BMPR1B: variants seen among roughly 807,000 people sequenced by gnomAD.
BMPR1B encodes the protein bone morphogenetic protein receptor type 1B.
BMPR1B carries 12 observed loss-of-function variants against 59.1 expected under a neutral mutation model. The ratio of observed to expected loss-of-function variants is 0.20; its 90% CI spans 0.13 to 0.33. The LOEUF (loss-of-function observed/expected upper bound fraction) is 0.33, where lower values mean the gene tolerates loss of function less well. Ranked by LOEUF, BMPR1B falls within the 10% of genes least tolerant of loss-of-function variation. The probability of loss-of-function intolerance (pLI) is 1.00; values close to 1 mark genes in which losing one functional copy is unlikely to be tolerated. For missense variants in BMPR1B, 550 were observed against 610.9 expected (o/e 0.90, Z 1.05); for synonymous variants, 237 against 207.3 (o/e 1.14, Z -1.23).
At chr4:95,057,338 G>A (rs182521643) in intron 3 of BMPR1B, among the ~76,000 whole-genome samples, 5 of 151,970 alleles carry the variant, frequency 3.3e-5, no homozygotes, top group East Asian at 1.9e-4. Context: ...TCCGCCTCCC[G>A]AGTTCAAGTG....
At chr4:94,795,721 C>T (rs1053108729) in intron 1 of BMPR1B, among the ~76,000 whole-genome samples, 2 of 152,082 alleles carry the variant, frequency 1.3e-5, no homozygotes, top group Non-Finnish European at 2.9e-5. Flanking sequence ...ACCTTGGCCT[C>T]CCAAAGTGCT....
At chr4:94,883,293 C>G (rs184555319) in intron 2 of BMPR1B, among the ~76,000 whole-genome samples, 20 of 152,236 alleles carry the variant, frequency 1.3e-4, no homozygotes, top group Non-Finnish European at 2.5e-4. Flanking sequence ...TTTTCTAGCC[C>G]ATAGCTTTAT....
At position 95,154,540 on chromosome 4, in the gene BMPR1B, T is replaced by C. The variant is rs201359647; in HGVS notation, c.1384-8T>C. The C allele has an allele frequency of 1.6e-3, 2,546 of 1,614,036 alleles. 37 individuals carry two copies. In the South Asian group the frequency reaches 0.02, roughly 13 times the overall value. ...ATGATACATTTTTCTAACATTTCTC[T>C]TCCTCAGTGTCTAAGGCAGATGGGA... On this transcript the variant is annotated splice_polypyrimidine_tract_variant and splice_region_variant and intron_variant, in intron 12 of 12. Transcript: ENST00000515059.
At chr4:94,939,395 T>C (rs558825116) in intron 2 of BMPR1B, among the ~76,000 whole-genome samples, 3 of 152,334 alleles carry the variant, frequency 2.0e-5, no homozygotes, top group African/African-American at 7.2e-5. Context: ...TTAATAGTTC[T>C]TGACAGTGTG....
At chr4:95,109,861 T>A (rs1388425922) in intron 4 of BMPR1B, among the ~76,000 whole-genome samples, 3 of 47,588 alleles carry the variant, frequency 6.3e-5, no homozygotes, top group African/African-American at 8.3e-5. Flanking sequence ...CCCTCCCCCC[T>A]CCCCCCACCC....
At chr4:94,990,545 G>A (rs1273937709) in intron 2 of BMPR1B, among the ~76,000 whole-genome samples, 1 of 152,114 alleles carries the variant, frequency 6.6e-6, no homozygotes, top group African/African-American at 2.4e-5. Context: ...AGTGATGCAG[G>A]TACTAACATT....
chr4:94,930,134 C>T (rs1729041522), intron 2 of BMPR1B, among the ~76,000 whole-genome samples: 1 of 152,116 alleles, frequency 6.6e-6, no homozygotes, highest in Non-Finnish European at 1.5e-5. Context: ...GGTTTCCCTG[C>T]AGCCAGTTTT....
At chr4:95,138,143 T>G (rs1216760733) in intron 10 of BMPR1B, among the ~76,000 whole-genome samples, 1 of 152,180 alleles carries the variant, frequency 6.6e-6, no homozygotes, top group South Asian at 2.1e-4. Context: ...CTGTAAAGTA[T>G]TTTATTTCTC....
chr4:95,062,158 C>T (rs2149206355), intron 3 of BMPR1B, among the ~76,000 whole-genome samples: 1 of 152,046 alleles, frequency 6.6e-6, no homozygotes, highest in Admixed American at 6.6e-5. Context: ...TTTTTTATAG[C>T]AGTGTAAGAA....
chr4:95,152,493 A>T, intron 11 of BMPR1B, 150 bp from the exon 12 acceptor site: 1 of 605,244 alleles, frequency 1.7e-6, no homozygotes, highest in Non-Finnish European at 2.6e-6. Flanking sequence ...CCATTTGGGT[A>T]AATATTTTTC....
At chr4:95,032,735 TAG>T (rs1318305609) in intron 3 of BMPR1B, among the ~76,000 whole-genome samples, 1 of 152,198 alleles carries the variant, frequency 6.6e-6, no homozygotes, top group Non-Finnish European at 1.5e-5. Context: ...TATTCTGTTG[TAG>T]TGTAGACCAC....
rs547786187 is a variant in BMPR1B at position 94,983,624 on chromosome 4, C to G, written c.-112-12416C>G. ...AGTGATATTAAGCCTGTTACCACCA[C>G]TTAAGGCCCTAACTCCAAAGCCATA... On this transcript the variant is annotated intron_variant, in intron 2 of 12. Coordinates refer to ENST00000515059, the MANE Select transcript of BMPR1B (RefSeq NM_001203.3). Among the ~76,000 whole-genome samples the G allele has an allele frequency of 2.6e-5, 4 of 152,308 alleles. No individual in the cohort carries two copies. In the South Asian group the frequency reaches 8.3e-4, roughly 32 times the overall value.
At chr4:95,051,400 C>G (rs977217451) in intron 3 of BMPR1B, among the ~76,000 whole-genome samples, 3 of 152,104 alleles carry the variant, frequency 2.0e-5, no homozygotes, top group Non-Finnish European at 4.4e-5. Context: ...CAGAGTGAAG[C>G]CCCGGCGTGT....
At chr4:94,946,188 G>A (rs939303610) in intron 2 of BMPR1B, among the ~76,000 whole-genome samples, 107 of 152,074 alleles carry the variant, frequency 7.0e-4, no homozygotes, top group Non-Finnish European at 1.2e-3. Flanking sequence ...TATCTCTTAC[G>A]AATCTTTTGG....
At chr4:95,121,533 TACAG>T (rs879314814) in intron 6 of BMPR1B, among the ~76,000 whole-genome samples, 15 of 152,064 alleles carry the variant, frequency 9.9e-5, no homozygotes, top group Non-Finnish European at 2.1e-4. Context: ...CCAAAAATAA[TACAG>T]ACACACAAAT....
chr4:94,955,524 T>C (rs1197641073), intron 2 of BMPR1B, among the ~76,000 whole-genome samples: 1 of 152,182 alleles, frequency 6.6e-6, no homozygotes, highest in Admixed American at 6.5e-5. Flanking sequence ...TCAGTGCTAA[T>C]AATGTTAATA....
chr4:94,866,498 T>A, intron 1 of BMPR1B, among the ~76,000 whole-genome samples: 1 of 152,308 alleles, frequency 6.6e-6, no homozygotes, highest in East Asian at 1.9e-4. Flanking sequence ...TTCCCTGGTC[T>A]AGTGTCAGCC....
intron 2 of BMPR1B, among the ~76,000 whole-genome samples, chr4:94,890,457 A>T (rs940514359): frequency 6.6e-6 from 1 of 152,136 alleles, no homozygotes; most frequent in African/African-American, 2.4e-5. Context: ...TCTTAATATT[A>T]TAAAAATACA....
At chr4:95,120,610 T>C (rs199879380) in intron 6 of BMPR1B, among the ~76,000 whole-genome samples, 4 of 122,586 alleles carry the variant, frequency 3.3e-5, no homozygotes, top group African/African-American at 1.2e-4. Flanking sequence ...ATAGCCTGCC[T>C]TTCCTTCCTT....
Sources: allele counts gnomAD v4.1 joint callset (sites outside exome capture counted in the v4.1 genomes callset), GRCh38; gene constraint gnomAD v4.1.1; transcripts MANE v1.5; gene names NCBI Gene and HGNC (gene_info 2026-07-23, HGNC 2026-07-21).